ATP8A1: variants seen among roughly 807,000 people sequenced by gnomAD.
The protein encoded by ATP8A1 is ATPase phospholipid transporting 8A1.
A neutral mutation model predicts 177.7 loss-of-function variants in ATP8A1; 90 were observed. The ratio of observed to expected loss-of-function variants is 0.51; its 90% CI spans 0.43 to 0.60. ATP8A1 has a LOEUF of 0.60. Ranked by LOEUF, ATP8A1 falls within the 20% of genes least tolerant of loss-of-function variation. The probability of loss-of-function intolerance (pLI) is 0.00; values close to 1 mark genes in which losing one functional copy is unlikely to be tolerated. For synonymous variants in ATP8A1, 493 were observed against 485.9 expected (o/e 1.01, Z -0.19); for missense variants, 1,072 against 1,392.8 (o/e 0.77, Z 3.67).
At chr4:42,635,637 T>G (rs1185612909) in intron 1 of ATP8A1, among the ~76,000 whole-genome samples, 1 of 151,468 alleles carries the variant, frequency 6.6e-6, no homozygotes, top group Non-Finnish European at 1.5e-5. Flanking sequence ...CACTATCCTT[T>G]TCAAAGGCTT....
intron 25 of ATP8A1, among the ~76,000 whole-genome samples, chr4:42,475,668 T>A (rs1720983142): frequency 6.6e-6 from 1 of 152,018 alleles, no homozygotes; most frequent in African/African-American, 2.4e-5. Context: ...AACATTTGAA[T>A]AATAGGTGCC....
chr4:42,552,066 C>T (rs962693728), intron 17 of ATP8A1, among the ~76,000 whole-genome samples: 3 of 152,112 alleles, frequency 2.0e-5, no homozygotes, highest in Non-Finnish European at 2.9e-5. Context: ...AATACACAAG[C>T]TTCTTTATTA....
At chr4:42,556,159 A>C (rs1730215700) in intron 15 of ATP8A1, 119 bp from the exon 16 acceptor site, 5 of 574,340 alleles carry the variant, frequency 8.7e-6, no homozygotes, top group Admixed American at 7.9e-5. Context: ...ATTAAATGTA[A>C]TTTGGCCTGC....
intron 17 of ATP8A1, 101 bp from the exon 18 acceptor site, chr4:42,551,381 A>C: frequency 1.3e-6 from 1 of 796,060 alleles, no homozygotes; most frequent in Non-Finnish European, 2.1e-6. Flanking sequence ...TGTTTAATTA[A>C]AGTTCTTTTT....
intron 27 of ATP8A1, among the ~76,000 whole-genome samples, chr4:42,463,861 G>A (rs1719437618): frequency 6.6e-6 from 1 of 152,194 alleles, no homozygotes; most frequent in Non-Finnish European, 1.5e-5. Context: ...TGGATAGAGA[G>A]GGATGCTTGT....
chr4:42,539,541 T>C (rs1339877080), intron 20 of ATP8A1, among the ~76,000 whole-genome samples: 1 of 152,038 alleles, frequency 6.6e-6, no homozygotes, highest in Non-Finnish European at 1.5e-5. Context: ...TCACATTACC[T>C]ACATTTAAAA....
chr4:42,464,271 T>C (rs1719488793), intron 27 of ATP8A1, among the ~76,000 whole-genome samples: 1 of 151,194 alleles, frequency 6.6e-6, no homozygotes, highest in South Asian at 2.1e-4. Flanking sequence ...CAAACTTTTT[T>C]TTTTTTTTTT....
At chr4:42,637,369 C>T (rs747651841) in intron 1 of ATP8A1, among the ~76,000 whole-genome samples, 6 of 152,208 alleles carry the variant, frequency 3.9e-5, no homozygotes, top group Admixed American at 3.9e-4. Context: ...AATAGCCAAA[C>T]GGTTTTCCAC....
At chr4:42,475,448 T>C (rs919242166) in intron 25 of ATP8A1, among the ~76,000 whole-genome samples, 1 of 102,896 alleles carries the variant, frequency 9.7e-6, no homozygotes, top group African/African-American at 4.0e-5. Context: ...ACAAGACACA[T>C]AATGAAACAA....
At chr4:42,505,364 T>C (rs1016855542) in intron 23 of ATP8A1, among the ~76,000 whole-genome samples, 3 of 152,246 alleles carry the variant, frequency 2.0e-5, no homozygotes, top group East Asian at 3.8e-4. Flanking sequence ...ACATTCATAA[T>C]GGTGAACATA....
At chr4:42,508,796 T>C (rs13139149) in intron 22 of ATP8A1, among the ~76,000 whole-genome samples, 47,546 of 152,056 alleles carry the variant, frequency 0.31, 8,783 homozygotes, top group East Asian at 0.57. Context: ...ATTTAAAATA[T>C]AGGTGAGGGC....
intron 6 of ATP8A1, among the ~76,000 whole-genome samples, chr4:42,592,492 T>C (rs1734283337): frequency 1.3e-5 from 2 of 152,258 alleles, no homozygotes; most frequent in East Asian, 1.9e-4. Flanking sequence ...AAAATAAAAA[T>C]TGTATTTAAC....
At position 42,411,613 on chromosome 4, in the gene ATP8A1, T is replaced by G. The variant is rs1054231566; in HGVS notation, c.*1303A>C. The G allele has an allele frequency of 1.3e-5, 2 of 152,202 alleles. No homozygotes were observed. The highest frequency in any genetic ancestry group is 2.4e-5 in the African/African-American group (1 of 41,450). 9.4% of individuals were successfully genotyped at this position (152,202 alleles called of 1,614,324 possible). ...GCAAAATAGCCATTTTCAGATGTCT[T>G]GTAAATGCTGAAAATAATTGAACTG... On this transcript the variant is annotated 3_prime_UTR_variant, in exon 37 of 37. Transcript: ENST00000381668.
At chr4:42,442,777 T>C (rs1716771095) in intron 33 of ATP8A1, among the ~76,000 whole-genome samples, 1 of 152,078 alleles carries the variant, frequency 6.6e-6, no homozygotes, top group South Asian at 2.1e-4. Flanking sequence ...CTGGAAAGGG[T>C]TCCTGGGACT....
chr4:42,647,817 C>A (rs1740693415), intron 1 of ATP8A1, among the ~76,000 whole-genome samples: 1 of 151,936 alleles, frequency 6.6e-6, no homozygotes, highest in African/African-American at 2.4e-5. Flanking sequence ...ATGTCAGGGC[C>A]ACTACATGAA....
At chr4:42,511,566 C>T (rs1007044681) in intron 22 of ATP8A1, among the ~76,000 whole-genome samples, 3 of 152,286 alleles carry the variant, frequency 2.0e-5, no homozygotes, top group African/African-American at 7.2e-5. Context: ...AATGTTTATT[C>T]ACCTAGTAAA....
At chr4:42,585,638 C>A (rs1484548037) in intron 9 of ATP8A1, among the ~76,000 whole-genome samples, 3 of 151,222 alleles carry the variant, frequency 2.0e-5, no homozygotes, top group African/African-American at 7.3e-5. Flanking sequence ...CATAAATTAC[C>A]CAGTCTAAGA....
chr4:42,503,247 C>G (rs1724029022), intron 24 of ATP8A1, among the ~76,000 whole-genome samples: 1 of 152,176 alleles, frequency 6.6e-6, no homozygotes, highest in South Asian at 2.1e-4. Context: ...TTTGCAATTT[C>G]TTTTAGCTGT....
Position 42,412,911 on chromosome 4 carries a change from C to T in ATP8A1, c.*5G>A. On this transcript the variant is annotated 3_prime_UTR_variant, in exon 37 of 37. Coordinates refer to ENST00000381668, the MANE Select transcript of ATP8A1 (RefSeq NM_006095.2). ...TAACAGAGCCTGCCTTTCAGGCTCT[C>T]CCCATCACCATTCGTCGGGCCTCTG... The T allele has an allele frequency of 1.9e-6, 3 of 1,612,824 alleles. No homozygotes were observed. The highest frequency in any genetic ancestry group is 2.5e-6 in the Non-Finnish European group (3 of 1,179,078).
Sources: gnomAD v4.1 joint callset for allele counts (sites outside exome capture counted in the v4.1 genomes callset) on GRCh38, gnomAD v4.1.1 for gene constraint, MANE v1.5 for transcripts, NCBI Gene and HGNC (gene_info 2026-07-23, HGNC 2026-07-21) for gene names.